The following IRAK2 variants were observed in gnomAD, a reference collection of about 807,000 sequenced individuals.
IRAK2 encodes the protein interleukin 1 receptor associated kinase 2, also known as interleukin-1 receptor-associated kinase-like 2.
IRAK2 carries 57 observed loss-of-function variants against 72.0 expected under a neutral mutation model. The observed-to-expected ratio is 0.79, with a 90% CI of 0.64 to 0.99. IRAK2 has a LOEUF of 0.99. Among genes scored for constraint, IRAK2 ranks in the 50% least tolerant of loss-of-function variants. The pLI is 0.00. For synonymous variants in IRAK2, 293 were observed against 312.7 expected, an observed-to-expected ratio of 0.94 and a Z score of 0.67; for missense variants, 790 against 794.4, an observed-to-expected ratio of 0.99 and a Z score of 0.07.
Position 10,234,517 on chromosome 3 carries a change from C to T in IRAK2, c.1331C>T (p.Thr444Met), listed in dbSNP as rs1399709908. ...ACCGCCTCGCTCTGCTCCAGGAAGA[C>T]GGGCGTGGAGAACGTGATGGCAAAG... ...SSTASLCSRKTGVENVMAKEI... is the reference protein window; with the variant it reads ...SSTASLCSRKMGVENVMAKEI... The change falls in exon 11 of 13, where the codon ACG becomes ATG. Residue 444 changes from threonine to methionine, a missense_variant. Transcript: ENST00000256458. 5.0e-6 allele frequency: 8 copies of T among 1,614,034 alleles called. No homozygotes were observed. Among genetic ancestry groups the T allele is most frequent in the East Asian group, 2.2e-5 (1 of 44,884 alleles).
chr3:10,168,746 T>G (rs1696744341), intron 1 of IRAK2, among the ~76,000 whole-genome samples: 1 of 152,194 alleles, frequency 6.6e-6, no homozygotes, highest in African/African-American at 2.4e-5. Flanking sequence ...CTGGCCTCTC[T>G]GACCTCCTCT....
At chr3:10,241,197 C>A (rs964548362) in intron 12 of IRAK2, among the ~76,000 whole-genome samples, 5 of 151,062 alleles carry the variant, frequency 3.3e-5, no homozygotes, top group African/African-American at 9.7e-5. Flanking sequence ...ATTGCTTGAG[C>A]CCAGGAGTAT....
Position 10,186,336 on chromosome 3 carries a change from A to G in IRAK2, c.277+8316A>G, listed in dbSNP as rs191902573. On this transcript the variant is annotated intron_variant, in intron 2 of 12. Transcript: ENST00000256458. ...TTTCTTTGGCAACACAGTTCTGTCA[A>G]AAAACTAGAAGCTTCTGCTCTCTTG... Among the ~76,000 whole-genome samples, 18 of 151,856 alleles carry G rather than the reference A, an allele frequency of 1.2e-4. 1 individual carries two copies. The highest frequency in any genetic ancestry group is 4.4e-4 in the African/African-American group (18 of 41,110).
chr3:10,242,184 T>A lies in IRAK2; in HGVS notation c.1834T>A (p.Tyr612Asn). The A allele has an allele frequency of 6.2e-7, 1 of 1,613,780 alleles. No individual in the cohort carries two copies. The highest frequency in any genetic ancestry group is 1.1e-5 in the South Asian group (1 of 91,034). Residue 612 changes from tyrosine to asparagine, a missense_variant, in exon 13 of 13, where the codon TAC becomes AAC. Physicochemically the swap from Tyr to Asn is moderately radical, Grantham distance 143. Coordinates refer to ENST00000256458, the MANE Select transcript of IRAK2 (RefSeq NM_001570.4). Reference protein sequence around the residue: ...KRKLMENILLYKEEKVDSIEL... With the variant: ...KRKLMENILLNKEEKVDSIEL... The stretch of plus-strand genomic sequence containing the variant: ...GAAACTGATGGAGAATATTCTGCTC[T>A]ACAAAGAGGAAAAAGTGGACAGCAT...
At chr3:10,222,363 G>C (rs1391162908) in intron 8 of IRAK2, among the ~76,000 whole-genome samples, 7 of 152,176 alleles carry the variant, frequency 4.6e-5, no homozygotes, top group Admixed American at 4.6e-4. Context: ...ATCAGGGTTG[G>C]CATCTGTGGG....
intron 3 of IRAK2, among the ~76,000 whole-genome samples, chr3:10,203,907 C>T (rs1442067461): frequency 6.6e-6 from 1 of 152,184 alleles, no homozygotes; most frequent in East Asian, 1.9e-4. Flanking sequence ...CAGGCATGAG[C>T]CACCGCGCCT....
intron 2 of IRAK2, among the ~76,000 whole-genome samples, chr3:10,184,784 C>T (rs1379889880): frequency 1.2e-4 from 17 of 137,686 alleles, no homozygotes; most frequent in African/African-American, 3.0e-4. Context: ...GGCTGGAGTG[C>T]AGTGGCGCGA....
chr3:10,216,299 G>T (rs765411335), intron 6 of IRAK2, among the ~76,000 whole-genome samples: 1 of 152,172 alleles, frequency 6.6e-6, no homozygotes, highest in African/African-American at 2.4e-5. Context: ...GACTTGTTGA[G>T]GCTAGGATGA....
intron 1 of IRAK2, among the ~76,000 whole-genome samples, chr3:10,171,703 C>T (rs1447720538): frequency 1.3e-5 from 2 of 150,482 alleles, no homozygotes. Flanking sequence ...TGAGACCAGC[C>T]TCGTGATCCG....
intron 3 of IRAK2, among the ~76,000 whole-genome samples, chr3:10,201,025 G>A (rs749309980): frequency 3.9e-5 from 6 of 152,254 alleles, no homozygotes; most frequent in East Asian, 1.9e-4. Context: ...TGACAATATC[G>A]GGAGGTAGAA....
intron 2 of IRAK2, 75 bp downstream of exon 2, chr3:10,178,095 CT>C: frequency 8.4e-7 from 1 of 1,194,746 alleles, no homozygotes; most frequent in Admixed American, 2.4e-5. Flanking sequence ...GAGTTGCACT[CT>C]CTGGCCTTAA....
At position 10,242,543 on chromosome 3, in the gene IRAK2, G is replaced by T. The variant is rs903415354; in HGVS notation, c.*315G>T. The T allele has an allele frequency of 1.7e-5, 3 of 181,048 alleles. No individual in the cohort carries two copies. The highest frequency in any genetic ancestry group is 2.3e-5 in the Non-Finnish European group (2 of 87,120). The allele number at this position is 181,048 out of a possible 1,614,324, so 11.2% of individuals were successfully genotyped here. A position where few individuals can be genotyped will look rare whatever the true frequency, so the allele number is the denominator to read the frequency against. ...CTGATTTTGTGGTTCCGGGGAGTAT[G>T]TGATGATAATCACCCCCAGCAGATT... On this transcript the variant is annotated 3_prime_UTR_variant, in exon 13 of 13. Transcript: ENST00000256458.
At chr3:10,192,023 AGTGT>A (rs56802078) in intron 2 of IRAK2, among the ~76,000 whole-genome samples, 1,887 of 135,744 alleles carry the variant, frequency 0.014, 40 homozygotes, top group East Asian at 0.096. Flanking sequence ...TTGAGTTGGG[AGTGT>A]GTGTGTGTGT....
chr3:10,167,057 G>A (rs376997275), intron 1 of IRAK2, among the ~76,000 whole-genome samples: 1 of 151,842 alleles, frequency 6.6e-6, no homozygotes, highest in African/African-American at 2.4e-5. Flanking sequence ...AACAACTTCT[G>A]TTTCTAGGAA....
In IRAK2 at chr3:10,215,932, A is replaced by G. The variant is rs778436969; in HGVS notation, c.789-1002A>G. Among the ~76,000 whole-genome samples the G allele has an allele frequency of 1.0e-3, 158 of 152,240 alleles. 3 individuals are homozygous for G. The highest frequency in any genetic ancestry group is 4.1e-4 in the Non-Finnish European group (28 of 68,046). On this transcript the variant is annotated intron_variant, in intron 6 of 12. Transcript: ENST00000256458. ...TTCTAGGCTCTAGGGAGTGTACGCC[A>G]GAAGCATACAGAGCCCCTGCCTTGG...
At chr3:10,236,246 G>C (rs74991939) in intron 11 of IRAK2, among the ~76,000 whole-genome samples, 2,281 of 152,034 alleles carry the variant, frequency 0.015, 54 homozygotes, top group African/African-American at 0.052. Flanking sequence ...CACAACACAT[G>C]GGGCACAGTG....
intron 4 of IRAK2, 26 bp downstream of exon 4, chr3:10,209,718 C>T: frequency 7.3e-7 from 1 of 1,371,432 alleles, no homozygotes; most frequent in Non-Finnish European, 9.7e-7. Flanking sequence ...GGCTGCAGCC[C>T]CCAAGCCATG....
rs138272144 is a variant in IRAK2 at position 10,187,381 on chromosome 3, T to TGAAG, written c.277+9362_277+9365dup. On this transcript the variant is annotated intron_variant, in intron 2 of 12. Coordinates refer to ENST00000256458, the MANE Select transcript of IRAK2 (RefSeq NM_001570.4). ...CTCCAGGAAAGAACTGGGTCTTGGA[T>TGAAG]GAAGATTCACCCTCTGGGTCAGACA... Among the ~76,000 whole-genome samples, 817 of 152,302 alleles carry TGAAG rather than the reference T, an allele frequency of 5.4e-3. 4 individuals are homozygous for TGAAG. Among genetic ancestry groups the TGAAG allele is most frequent in the Middle Eastern group, 0.01 (3 of 294 alleles).
At chr3:10,190,827 A>C (rs1697163613) in intron 2 of IRAK2, among the ~76,000 whole-genome samples, 1 of 152,162 alleles carries the variant, frequency 6.6e-6, no homozygotes, top group Non-Finnish European at 1.5e-5. Flanking sequence ...TTGATTTCCC[A>C]CTCACCTGAA....
Sources: allele counts gnomAD v4.1 joint callset (sites outside exome capture counted in the v4.1 genomes callset), GRCh38; gene constraint gnomAD v4.1.1; transcripts MANE v1.5; gene names NCBI Gene and HGNC (gene_info 2026-07-23, HGNC 2026-07-21).